The following SSH1 variants were observed in gnomAD, a reference collection of about 807,000 sequenced individuals.
SSH1 encodes the protein slingshot protein phosphatase 1.
SSH1 carries 43 observed loss-of-function variants against 79.7 expected under a neutral mutation model. The observed-to-expected ratio is 0.54, with a 90% confidence interval of 0.42 to 0.70. The LOEUF is 0.70. SSH1 is among the 30% of genes least tolerant of loss of function. The pLI is 0.00. For missense variants in SSH1, 1,206 were observed against 1,358.8 expected, an observed-to-expected ratio of 0.89 and a Z score of 1.77; for synonymous variants, 599 against 538.3, an observed-to-expected ratio of 1.11 and a Z score of -1.56.
intron 5 of SSH1, among the ~76,000 whole-genome samples, chr12:108,815,916 T>C (rs2037864184): frequency 6.6e-6 from 1 of 152,214 alleles, no homozygotes; most frequent in South Asian, 2.1e-4. Flanking sequence ...TCTCAGTCGC[T>C]AGCATGTGAC....
intron 2 of SSH1, among the ~76,000 whole-genome samples, chr12:108,847,241 TCA>T (rs1424774331): frequency 6.6e-6 from 1 of 152,098 alleles, no homozygotes; most frequent in Non-Finnish European, 1.5e-5. Flanking sequence ...CCCTGAAAGG[TCA>T]CAGTGTCATC....
rs1200033274 is a variant in SSH1, at chr12:108,788,109, C to A, written c.3029G>T (p.Ser1010Ile). The A allele has an allele frequency of 1.9e-6, 3 of 1,614,052 alleles. No homozygotes were observed. Among genetic ancestry groups the A allele is most frequent in the Non-Finnish European group, 2.5e-6 (3 of 1,180,014 alleles). Residue 1010 changes from serine to isoleucine, a missense_variant, in exon 15 of 15, where the codon AGT becomes ATT. Transcript: ENST00000326495. ...GGGCTCATGCAAGAAGGAAGATTCA[C>A]TCAAAGTGGTGTCCTGGGAGTCAGC... ...TVADSQDTTL[S>I]ESSFLHEPQG...
At chr12:108,815,612 T>C (rs2037848699) in intron 5 of SSH1, among the ~76,000 whole-genome samples, 1 of 152,208 alleles carries the variant, frequency 6.6e-6, no homozygotes. Flanking sequence ...GATGGGGCTC[T>C]GGGCATTTCT....
At position 108,787,264 on chromosome 12, in the gene SSH1, C is replaced by T. The variant is rs547346041; in HGVS notation, c.*724G>A. 1 of 152,240 alleles carries T rather than the reference C, an allele frequency of 6.6e-6. No individual in the cohort carries two copies. The highest frequency in any genetic ancestry group is 1.5e-5 in the Non-Finnish European group (1 of 68,102). The allele number at this position is 152,240 out of a possible 1,614,324, so 9.4% of individuals were successfully genotyped here. On this transcript the variant is annotated 3_prime_UTR_variant, in exon 15 of 15. Coordinates refer to ENST00000326495, the MANE Select transcript of SSH1 (RefSeq NM_018984.4). ...GAGAACAACCCATACATTTTCCCCA[C>T]CGGACCCCTGTGCTGGTCAAACACG...
intron 5 of SSH1, among the ~76,000 whole-genome samples, chr12:108,813,117 C>T (rs2037701882): frequency 6.6e-6 from 1 of 151,980 alleles, no homozygotes; most frequent in Admixed American, 6.6e-5. Context: ...CCTCTTGTCT[C>T]CACCTGGGGA....
chr12:108,794,189 GA>G (rs2036641139), intron 13 of SSH1, among the ~76,000 whole-genome samples: 1 of 152,212 alleles, frequency 6.6e-6, no homozygotes, highest in Non-Finnish European at 1.5e-5. Context: ...ACACCAGACT[GA>G]TATCTCCCAG....
chr12:108,840,386 C>T (rs975924073), intron 2 of SSH1, among the ~76,000 whole-genome samples: 5 of 151,928 alleles, frequency 3.3e-5, no homozygotes, highest in African/African-American at 4.8e-5. Flanking sequence ...ACAAAAAATT[C>T]GCCAGGCATG....
Position 108,807,818 on chromosome 12 carries a change from C to G in SSH1, c.546G>C (p.Leu182=). ...PVSVQAMWSA[L]QVLHKACEVA... is the part of the protein sequence containing the mutation. The stretch of plus-strand genomic sequence containing the variant: ...CTTCGCAGGCCTTGTGAAGCACCTG[C>G]AGGGCAGACCTGGGGCGAGGAGAAG... Residue 182 remains leucine (L), a synonymous_variant, in exon 8 of 15, where the codon CTG becomes CTC. Coordinates refer to ENST00000326495, the MANE Select transcript of SSH1 (RefSeq NM_018984.4). This position sits in a 1 kb window ranked among gnomAD's most constrained non-coding sequence, Gnocchi z 5.2. 1 of 1,613,826 alleles carries G rather than the reference C, an allele frequency of 6.2e-7. No homozygotes were observed. Among genetic ancestry groups the G allele is most frequent in the South Asian group, 1.1e-5 (1 of 91,058 alleles).
intron 1 of SSH1, among the ~76,000 whole-genome samples, chr12:108,854,845 C>A (rs1486382280): frequency 6.6e-6 from 1 of 152,176 alleles, no homozygotes; most frequent in Non-Finnish European, 1.5e-5. Context: ...AGGGCAGAAC[C>A]GGCCTGGCCT....
At position 108,786,060 on chromosome 12, in the gene SSH1, CTG is replaced by C. The variant is rs1228337979; in HGVS notation, c.*1926_*1927del. On this transcript the variant is annotated 3_prime_UTR_variant, in exon 15 of 15. Transcript: ENST00000326495. ...CCTGGAGGGAGGATTTTTGCAAAAACTGTGCTCACTAGGTAAAATATGAACTA... is the reference window on the plus strand; with the variant it reads ...CCTGGAGGGAGGATTTTTGCAAAAACTGCTCACTAGGTAAAATATGAACTA... 6 of 152,184 alleles carry C rather than the reference CTG, an allele frequency of 3.9e-5. No individual in the cohort carries two copies. Among genetic ancestry groups the C allele is most frequent in the African/African-American group, 1.4e-4 (6 of 41,450 alleles). 9.4% of individuals were successfully genotyped at this position (152,184 alleles called of 1,614,324 possible).
At chr12:108,793,325 G>C (rs11114057) in intron 13 of SSH1, among the ~76,000 whole-genome samples, 1 of 151,856 alleles carries the variant, frequency 6.6e-6, no homozygotes, top group East Asian at 1.9e-4. Flanking sequence ...TGGAAAACTA[G>C]AAAGTATTTG....
At chr12:108,853,644 C>T (rs1351339021) in intron 1 of SSH1, among the ~76,000 whole-genome samples, 1 of 152,050 alleles carries the variant, frequency 6.6e-6, no homozygotes, top group Non-Finnish European at 1.5e-5. Flanking sequence ...AGTACACCAG[C>T]CCGGCGCAGT....
At chr12:108,790,512 G>C (rs2036458525) in intron 14 of SSH1, among the ~76,000 whole-genome samples, 1 of 152,148 alleles carries the variant, frequency 6.6e-6, no homozygotes, top group African/African-American at 2.4e-5. Flanking sequence ...TCAAACTCCT[G>C]ACCTCAGATG....
At position 108,805,070 on chromosome 12, in the gene SSH1, C is replaced by T. The variant is rs766086668; in HGVS notation, c.940G>A (p.Asp314Asn). ...GQMDKPSLIF[D>N]HLYLGSEWNA... ...ATGCCTCTTACGAGATAAAGATGAT[C>T]GAAGATAAGGGAGGGCTTGTCCATC... is the stretch of plus-strand genomic sequence containing the variant. The change falls in exon 10 of 15, where the codon GAT (aspartate) becomes AAT (asparagine). Residue 314 changes from aspartate to asparagine, a missense_variant. By Grantham distance (23) the Asp-to-Asn change is conservative. Around this residue, in one of 5 missense-constraint regions of SSH1, gnomAD observed 166 missense variants for 262.9 expected, o/e 0.63. Coordinates refer to ENST00000326495, the MANE Select transcript of SSH1 (RefSeq NM_018984.4). 8 of 1,614,014 alleles carry T rather than the reference C, an allele frequency of 5.0e-6. No homozygotes were observed. Among genetic ancestry groups the T allele is most frequent in the East Asian group, 2.2e-5 (1 of 44,904 alleles).
Position 108,787,740 on chromosome 12 carries a change from C to A in SSH1, c.*248G>T. The A allele has an allele frequency of 3.6e-6, 2 of 556,308 alleles. No individual in the cohort carries two copies. The highest frequency in any genetic ancestry group is 3.1e-5 in the East Asian group (1 of 31,922). 34.5% of individuals were successfully genotyped at this position (556,308 alleles called of 1,614,324 possible). ...GTTCTTCTTGAAGACACGGTGGGAG[C>A]GGAGTTTTGTGTCTCCTGGCCGGCG... On this transcript the variant is annotated 3_prime_UTR_variant, in exon 15 of 15. Transcript: ENST00000326495.
At chr12:108,821,062 G>A (rs2038099158) in intron 3 of SSH1, among the ~76,000 whole-genome samples, 2 of 152,202 alleles carry the variant, frequency 1.3e-5, no homozygotes, top group Non-Finnish European at 2.9e-5. Flanking sequence ...TTTCTAAGAG[G>A]GCAGAATAAT....
chr12:108,826,321 C>T (rs1400908343), intron 2 of SSH1: 20 of 354,362 alleles, frequency 5.6e-5, no homozygotes, highest in Non-Finnish European at 9.8e-5. Flanking sequence ...TCCTGCTCTA[C>T]GCATGAAGTC....
intron 14 of SSH1, among the ~76,000 whole-genome samples, chr12:108,790,561 A>G (rs531422139): frequency 1.7e-4 from 26 of 152,240 alleles, no homozygotes; most frequent in African/African-American, 5.1e-4. Context: ...TGGGATTATA[A>G]GCGTGAGCCA....
intron 7 of SSH1, among the ~76,000 whole-genome samples, chr12:108,808,342 G>A: frequency 6.6e-6 from 1 of 152,238 alleles, no homozygotes; most frequent in Non-Finnish European, 1.5e-5. Flanking sequence ...AGGACACGGA[G>A]CTAGTCCTTG....
Sources: gnomAD v4.1 joint callset for allele counts (sites outside exome capture counted in the v4.1 genomes callset) on GRCh38, gnomAD v4.1.1 for gene constraint, gnomAD v4.1.1 regional missense constraint, Gnocchi (gnomAD v3.1) non-coding constraint, MANE v1.5 for transcripts, NCBI Gene and HGNC (gene_info 2026-07-23, HGNC 2026-07-21) for gene names.